Variants in OLFM2 observed in about 807,000 individuals in gnomAD.
OLFM2 encodes the protein olfactomedin 2.
A neutral mutation model predicts 43.9 loss-of-function variants in OLFM2; 20 were observed. That is an observed-to-expected ratio of 0.46 (90% CI 0.32 to 0.66). The LOEUF (loss-of-function observed/expected upper bound fraction) is 0.66. Ranked by LOEUF, OLFM2 falls within the 30% of genes least tolerant of loss-of-function variation. The probability of loss-of-function intolerance (pLI) is 0.04; values close to 1 mark genes in which losing one functional copy is unlikely to be tolerated. For missense variants in OLFM2, 416 were observed against 643.6 expected (o/e 0.65, Z 3.83); for synonymous variants, 268 against 278.6 (o/e 0.96, Z 0.38).
intron 1 of OLFM2, among the ~76,000 whole-genome samples, chr19:9,878,118 C>T (rs571410661): frequency 3.9e-5 from 6 of 152,176 alleles, no homozygotes; most frequent in African/African-American, 7.2e-5. Context: ...CCTAGGTGCT[C>T]GGATTACAGG....
intron 1 of OLFM2, among the ~76,000 whole-genome samples, chr19:9,934,938 T>C (rs2086506637): frequency 1.3e-5 from 2 of 152,188 alleles, no homozygotes; most frequent in Non-Finnish European, 2.9e-5. Flanking sequence ...CTCCCCTGCC[T>C]ATCTACCTAA....
chr19:9,864,736 A>T (rs1017722264), intron 1 of OLFM2, among the ~76,000 whole-genome samples: 1 of 145,474 alleles, frequency 6.9e-6, no homozygotes, highest in East Asian at 2.1e-4. Context: ...ATCCCCTCCC[A>T]CATCTGCCTC....
chr19:9,890,230 C>T (rs1052310545), intron 1 of OLFM2, among the ~76,000 whole-genome samples: 2 of 152,146 alleles, frequency 1.3e-5, no homozygotes, highest in African/African-American at 4.8e-5. Flanking sequence ...CCACCCACTC[C>T]GGGGGCAGAG....
chr19:9,857,135 A>T lies in OLFM2; in HGVS notation c.580+128T>A. 1 of 967,042 alleles carries T rather than the reference A, an allele frequency of 1.0e-6. No homozygotes were observed. Among genetic ancestry groups the T allele is most frequent in the South Asian group, 1.5e-5 (1 of 68,640 alleles). 59.9% of individuals were successfully genotyped at this position (967,042 alleles called of 1,614,324 possible). On this transcript the variant is annotated intron_variant, in intron 4 of 5. Coordinates refer to ENST00000264833, the MANE Select transcript of OLFM2 (RefSeq NM_058164.4). This position sits in a 1 kb window ranked among gnomAD's most constrained non-coding sequence, Gnocchi z 5.7. ...GGACTCAAGTGTAGCCTTAGGTAGG[A>T]AGGTCAAGGGTTGAGGTTTAAAAGT...
chr19:9,931,023 C>T (rs1202889929), intron 1 of OLFM2, among the ~76,000 whole-genome samples: 1 of 152,166 alleles, frequency 6.6e-6, no homozygotes. Context: ...CACACAGTCC[C>T]TGCACAAACC....
At chr19:9,917,351 T>C (rs2086390636) in intron 1 of OLFM2, among the ~76,000 whole-genome samples, 1 of 151,808 alleles carries the variant, frequency 6.6e-6, no homozygotes, top group Admixed American at 6.6e-5. Context: ...TTATTTAATT[T>C]ATATCTCTGC....
rs547025717 is a variant in OLFM2, at chr19:9,856,415, G to A, written c.687+392C>T. Among the ~76,000 whole-genome samples, 2 of 152,324 alleles carry A rather than the reference G, an allele frequency of 1.3e-5. No individual in the cohort carries two copies. Among genetic ancestry groups the A allele is most frequent in the South Asian group, 4.1e-4 (2 of 4,830 alleles). ...GCCCAGCCTCATGGATGGTTCTTGT[G>A]TGTCTAAGTGATGGGCAGTCATGAC... On this transcript the variant is annotated intron_variant, in intron 5 of 5. Transcript: ENST00000264833. This position sits in a 1 kb window ranked among gnomAD's most constrained non-coding sequence, Gnocchi z 4.0.
At chr19:9,922,713 T>C (rs994677106) in intron 1 of OLFM2, among the ~76,000 whole-genome samples, 2 of 151,068 alleles carry the variant, frequency 1.3e-5, no homozygotes, top group African/African-American at 4.9e-5. Context: ...AGCTCAGGAG[T>C]TCCAGATTAG....
At chr19:9,936,191 C>T in intron 1 of OLFM2, 113 bp downstream of exon 1, 4 of 1,216,598 alleles carry the variant, frequency 3.3e-6, no homozygotes, top group Non-Finnish European at 1.1e-6. Context: ...CCCTCGCCGC[C>T]CTGCAGCTGG....
intron 1 of OLFM2, among the ~76,000 whole-genome samples, chr19:9,897,665 C>A (rs770223357): frequency 3.9e-5 from 6 of 152,078 alleles, no homozygotes; most frequent in Non-Finnish European, 7.4e-5. Context: ...AAGGTCAGAG[C>A]AAAAACCCAA....
chr19:9,914,944 C>G (rs1455377341), intron 1 of OLFM2, among the ~76,000 whole-genome samples: 1 of 152,028 alleles, frequency 6.6e-6, no homozygotes, highest in Non-Finnish European at 1.5e-5. Context: ...GCTGAGGGCT[C>G]TGGCTGGGGA....
At chr19:9,898,515 G>A (rs1171374977) in intron 1 of OLFM2, among the ~76,000 whole-genome samples, 2 of 150,384 alleles carry the variant, frequency 1.3e-5, no homozygotes, top group African/African-American at 2.4e-5. Flanking sequence ...ATGAGACTCC[G>A]TCTCAAAAAA....
rs1007486864 is a variant in OLFM2 at position 9,891,267 on chromosome 19, C to T, written c.64-30473G>A. On this transcript the variant is annotated intron_variant, in intron 1 of 5. Coordinates refer to ENST00000264833, the MANE Select transcript of OLFM2 (RefSeq NM_058164.4). ...GGCAGAGGTTGCAGTGAGCCGAGATCGTGCCACTGCACTACAGCCTGGGCA... is the reference window on the plus strand; with the variant it reads ...GGCAGAGGTTGCAGTGAGCCGAGATTGTGCCACTGCACTACAGCCTGGGCA... Among the ~76,000 whole-genome samples, 6 of 143,104 alleles carry T rather than the reference C, an allele frequency of 4.2e-5. No homozygotes were observed. The Admixed American group carries it at 4.4e-4, about 10-fold the overall frequency. The allele number at this position is 143,104 out of a possible 152,430, so 93.9% of individuals were successfully genotyped here.
At chr19:9,924,848 G>A (rs999764858) in intron 1 of OLFM2, among the ~76,000 whole-genome samples, 4 of 151,724 alleles carry the variant, frequency 2.6e-5, no homozygotes, top group African/African-American at 2.4e-5. Flanking sequence ...GCTATTGGCC[G>A]GGAGTTCAAT....
At chr19:9,893,655 C>T (rs1599485037) in intron 1 of OLFM2, among the ~76,000 whole-genome samples, 1 of 152,136 alleles carries the variant, frequency 6.6e-6, no homozygotes, top group Non-Finnish European at 1.5e-5. Context: ...CACCTTCTCA[C>T]GTGTGGAGCA....
intron 1 of OLFM2, among the ~76,000 whole-genome samples, chr19:9,877,568 A>AC (rs1291838300): frequency 2.3e-5 from 3 of 132,102 alleles, no homozygotes; most frequent in South Asian, 2.3e-4. Flanking sequence ...ATAAATAAAT[A>AC]AATAAATACA....
rs757964823 is a variant in OLFM2 at position 9,854,285 on chromosome 19, G to A, written c.1266C>T (p.Tyr422=). The A allele has an allele frequency of 2.5e-6, 4 of 1,614,084 alleles. No homozygotes were observed. The African/African-American group carries it at 5.3e-5, about 22-fold the overall frequency. ...TATAGAGGGCGCGCTCCCGGGGGTT[G>A]TAATCCAGCATCGAGATGTGGGAAT... ...NQYSHISMLD[Y]NPRERALYTW... Residue 422 remains tyrosine, a synonymous_variant, in exon 6 of 6, where the codon TAC becomes TAT. Coordinates refer to ENST00000264833, the MANE Select transcript of OLFM2 (RefSeq NM_058164.4). The surrounding 1 kb of genome is among the most constrained non-coding windows in gnomAD (Gnocchi z 9.5).
At chr19:9,932,748 G>A (rs918515305) in intron 1 of OLFM2, among the ~76,000 whole-genome samples, 11 of 152,260 alleles carry the variant, frequency 7.2e-5, no homozygotes, top group South Asian at 4.1e-4. Flanking sequence ...TAGTGCCAAC[G>A]ATGTAGCTAG....
chr19:9,915,879 A>G (rs1410818797), intron 1 of OLFM2, among the ~76,000 whole-genome samples: 2 of 152,158 alleles, frequency 1.3e-5, no homozygotes, highest in African/African-American at 4.8e-5. Flanking sequence ...TATCTAGGGG[A>G]AGAGAGTTCC....
Sources: allele counts gnomAD v4.1 joint callset (sites outside exome capture counted in the v4.1 genomes callset), GRCh38; gene constraint gnomAD v4.1.1; non-coding constraint Gnocchi (gnomAD v3.1); transcripts MANE v1.5; gene names NCBI Gene and HGNC (gene_info 2026-07-23, HGNC 2026-07-21).